The following STAU2 variants were observed in gnomAD, a reference collection of about 807,000 sequenced individuals.
The protein encoded by STAU2 is double-stranded RNA-binding protein Staufen homolog 2.
In STAU2, 20 loss-of-function variants were observed where a neutral mutation model predicts 65.9. The observed-to-expected ratio is 0.30, with a 90% CI of 0.21 to 0.44. The LOEUF is 0.44. Among genes scored for constraint, STAU2 ranks in the 20% least tolerant of loss-of-function variants. STAU2 has a pLI of 1.00. For missense variants in STAU2, 558 were observed against 683.9 expected, an observed-to-expected ratio of 0.82 and a Z score of 2.05; for synonymous variants, 232 against 233.9, an observed-to-expected ratio of 0.99 and a Z score of 0.07.
intron 3 of STAU2, among the ~76,000 whole-genome samples, chr8:73,724,925 T>G (rs1257057284): frequency 2.0e-5 from 3 of 152,138 alleles, no homozygotes; most frequent in African/African-American, 7.2e-5. Flanking sequence ...TAGGTTCAAA[T>G]TATCTGCCAG....
At position 73,446,199 on chromosome 8, in the gene STAU2, T is replaced by A. The variant is rs537819822; in HGVS notation, c.1531-23497A>T. On this transcript the variant is annotated intron_variant, in intron 13 of 14. Coordinates refer to ENST00000524300, the MANE Select transcript of STAU2 (RefSeq NM_001164380.2). The stretch of plus-strand genomic sequence containing the variant: ...AAAAGTCCATCTCAAAGAGTCATGT[T>A]ATTATGATTCCATTTATGTAACATT... 9.8e-5 allele frequency among the ~76,000 whole-genome samples: 15 copies of A among 152,328 alleles called. No homozygotes were observed. The East Asian group carries it at 2.5e-3, about 25-fold the overall frequency.
intron 12 of STAU2, among the ~76,000 whole-genome samples, chr8:73,563,281 A>C (rs1808369430): frequency 6.6e-6 from 1 of 152,108 alleles, no homozygotes; most frequent in Non-Finnish European, 1.5e-5. Context: ...TCATGTAGGG[A>C]CACTAAACTT....
At position 73,692,254 on chromosome 8, in the gene STAU2, A is replaced by G. The variant is rs896286007; in HGVS notation, c.115-3441T>C. Among the ~76,000 whole-genome samples the G allele has an allele frequency of 7.3e-5, 11 of 149,992 alleles. 1 individual carries two copies. The highest frequency in any genetic ancestry group is 2.7e-4 in the African/African-American group (11 of 40,560). ...TGCTCTGTCGCCAAGGTTGGAGTGC[A>G]TGGCACAATCTCGTCTCATTGCAAC... On this transcript the variant is annotated intron_variant, in intron 4 of 14. Coordinates refer to ENST00000524300, the MANE Select transcript of STAU2 (RefSeq NM_001164380.2).
chr8:73,480,021 G>A (rs1585844250), intron 13 of STAU2, among the ~76,000 whole-genome samples: 1 of 152,082 alleles, frequency 6.6e-6, no homozygotes, highest in Non-Finnish European at 1.5e-5. Flanking sequence ...AGCAAAGTTT[G>A]TTTTCTAAAA....
intron 6 of STAU2, among the ~76,000 whole-genome samples, chr8:73,658,079 G>A (rs946746255): frequency 6.6e-6 from 1 of 150,386 alleles, no homozygotes; most frequent in South Asian, 2.1e-4. Context: ...AACTATCTTG[G>A]GGGACTGGGC....
upstream of STAU2, among the ~76,000 whole-genome samples, chr8:73,747,100 C>T (rs975739625): frequency 1.3e-5 from 2 of 151,808 alleles, no homozygotes; most frequent in African/African-American, 4.8e-5. Context: ...CCCCTGGCGG[C>T]TGCCGGGCCC....
intron 13 of STAU2, 109 bp downstream of exon 13, chr8:73,551,903 T>G: frequency 7.3e-7 from 1 of 1,376,392 alleles, no homozygotes; most frequent in Non-Finnish European, 9.5e-7. Context: ...AAAACGTAAG[T>G]GGCATGTAGG....
At chr8:73,568,572 C>A (rs963764283) in intron 12 of STAU2, among the ~76,000 whole-genome samples, 52 of 150,962 alleles carry the variant, frequency 3.4e-4, no homozygotes, top group Non-Finnish European at 6.6e-4. Flanking sequence ...CACTGCACAA[C>A]TGACAGAATT....
chr8:73,549,046 C>A (rs745800603), intron 13 of STAU2, among the ~76,000 whole-genome samples: 32 of 152,084 alleles, frequency 2.1e-4, no homozygotes, highest in Non-Finnish European at 4.0e-4. Context: ...TCAAGAGTGT[C>A]TTTTGCATAA....
chr8:73,743,145 ACTG>A (rs1464101879), intron 1 of STAU2, among the ~76,000 whole-genome samples: 2 of 152,170 alleles, frequency 1.3e-5, no homozygotes, highest in Non-Finnish European at 2.9e-5. Flanking sequence ...ACCCAAAAAC[ACTG>A]CTTTTATGTA....
chr8:73,438,812 G>A, intron 13 of STAU2: 1 of 393,778 alleles, frequency 2.5e-6, no homozygotes. Context: ...GGCCACATAG[G>A]TAAACAGCAC....
At chr8:73,428,775 G>T (rs1780858719) in intron 13 of STAU2, among the ~76,000 whole-genome samples, 1 of 152,146 alleles carries the variant, frequency 6.6e-6, no homozygotes, top group African/African-American at 2.4e-5. Flanking sequence ...CCCAGTCCAG[G>T]ACCCATGGCA....
chr8:73,712,872 C>G (rs1820996222), intron 3 of STAU2, among the ~76,000 whole-genome samples: 1 of 152,202 alleles, frequency 6.6e-6, no homozygotes, highest in Non-Finnish European at 1.5e-5. Context: ...AGAAGGATTG[C>G]TTGAGCCCAG....
chr8:73,429,651 G>A (rs1817116375), intron 13 of STAU2, among the ~76,000 whole-genome samples: 1 of 151,216 alleles, frequency 6.6e-6, no homozygotes, highest in Non-Finnish European at 1.5e-5. Flanking sequence ...TCACCAGGCT[G>A]GTCTCAAACT....
At chr8:73,457,592 T>C (rs530585606) in intron 13 of STAU2, among the ~76,000 whole-genome samples, 1 of 152,336 alleles carries the variant, frequency 6.6e-6, no homozygotes, top group South Asian at 2.1e-4. Flanking sequence ...GAAAAGAACA[T>C]CTCCCACGTC....
At chr8:73,500,066 G>A (rs75241478) in intron 13 of STAU2, among the ~76,000 whole-genome samples, 1,727 of 151,860 alleles carry the variant, frequency 0.011, 26 homozygotes, top group African/African-American at 0.04. Context: ...TATGTGTCTA[G>A]TACCATATGG....
At chr8:73,483,221 A>C (rs1820732483) in intron 13 of STAU2, among the ~76,000 whole-genome samples, 1 of 152,134 alleles carries the variant, frequency 6.6e-6, no homozygotes, top group Non-Finnish European at 1.5e-5. Context: ...AATTTTAACA[A>C]CATAACATTA....
intron 7 of STAU2, among the ~76,000 whole-genome samples, chr8:73,616,703 C>A (rs1812853038): frequency 6.6e-6 from 1 of 151,946 alleles, no homozygotes; most frequent in South Asian, 2.1e-4. Context: ...GAGGCTGAGG[C>A]AGGAGAATCG....
chr8:73,531,992 C>A lies in STAU2; in HGVS notation c.1530+20020G>T, dbSNP rs534411054. ...GTAAACCAACAATAAAATCCTAAGG[C>A]CCCTGCAGCCAACTTAATAGACCCC... On this transcript the variant is annotated intron_variant, in intron 13 of 14. Transcript: ENST00000524300. Among the ~76,000 whole-genome samples, 154 of 152,262 alleles carry A rather than the reference C, an allele frequency of 1.0e-3. 1 individual carries two copies. The highest frequency in any genetic ancestry group is 3.7e-3 in the African/African-American group (152 of 41,544).
Sources: gnomAD v4.1 joint callset for allele counts (sites outside exome capture counted in the v4.1 genomes callset) on GRCh38, gnomAD v4.1.1 for gene constraint, MANE v1.5 for transcripts, NCBI Gene and HGNC (gene_info 2026-07-23, HGNC 2026-07-21) for gene names.